The following NOD2 variants were observed in gnomAD, a reference collection of about 807,000 sequenced individuals.
The protein encoded by NOD2 is nucleotide binding oligomerization domain containing 2, also known as nucleotide-binding oligomerization domain-containing protein 2.
In NOD2, 86 loss-of-function variants were observed where a neutral mutation model predicts 90.9. The observed-to-expected ratio is 0.95, with a 90% confidence interval of 0.79 to 1.13. The LOEUF (loss-of-function observed/expected upper bound fraction) is 1.13, where lower values mean the gene tolerates loss of function less well. Among genes scored for constraint, NOD2 ranks in the 50% most tolerant of loss-of-function variants. The probability of loss-of-function intolerance (pLI) is 0.00; values close to 1 mark genes in which losing one functional copy is unlikely to be tolerated. For synonymous variants in NOD2, 581 were observed against 554.6 expected, an observed-to-expected ratio of 1.05 and a Z score of -0.67; for missense variants, 1,238 against 1,283.8, an observed-to-expected ratio of 0.96 and a Z score of 0.55.
intron 6 of NOD2, among the ~76,000 whole-genome samples, chr16:50,718,903 G>A (rs1441678433): frequency 1.3e-5 from 2 of 152,202 alleles, no homozygotes; most frequent in East Asian, 1.9e-4. Flanking sequence ...TTGGGGAAAA[G>A]TCCTAAAAGG....
At chr16:50,701,339 G>A (rs1963930222) in intron 2 of NOD2, among the ~76,000 whole-genome samples, 1 of 152,214 alleles carries the variant, frequency 6.6e-6, no homozygotes, top group Non-Finnish European at 1.5e-5. Flanking sequence ...GGGCTGGGTT[G>A]GGGAACATTT....
chr16:50,725,228 C>T (rs930280451), intron 9 of NOD2, among the ~76,000 whole-genome samples: 2 of 152,060 alleles, frequency 1.3e-5, no homozygotes, highest in African/African-American at 4.8e-5. Context: ...AATGAGACTT[C>T]CATTAATAAG....
chr16:50,710,977 C>T lies in NOD2; in HGVS notation c.985C>T (p.Pro329Ser), dbSNP rs757368076. 2 of 1,614,214 alleles carry T rather than the reference C, an allele frequency of 1.2e-6. No homozygotes were observed. Among genetic ancestry groups the T allele is most frequent in the Admixed American group, 1.7e-5 (1 of 60,026 alleles). The change falls in exon 4 of 12, where the codon CCT becomes TCT. Residue 329 changes from proline (P) to serine (S), a missense_variant. Transcript: ENST00000647318. ...RTLLFEHCCWPDVGQEDIFQL... is the reference protein window; with the variant it reads ...RTLLFEHCCWSDVGQEDIFQL... ...TCTACTCTTTGAGCACTGCTGTTGG[C>T]CTGATGTTGGTCAAGAAGACATCTT...
Position 50,699,963 on chromosome 16 carries a change from C to T in NOD2, c.459+9C>T. ...TCACACCGTCCCAGAGGGTGAGGCA[C>T]TCCTGGTGTGCATCACAGAGTTCTC... is the stretch of plus-strand genomic sequence containing the variant. On this transcript the variant is annotated intron_variant, in intron 2 of 11. Transcript: ENST00000647318. 1 of 1,600,622 alleles carries T rather than the reference C, an allele frequency of 6.2e-7. No individual in the cohort carries two copies. Among genetic ancestry groups the T allele is most frequent in the Non-Finnish European group, 8.5e-7 (1 of 1,177,528 alleles).
chr16:50,731,741 C>T lies in NOD2; in HGVS notation c.2970-6C>T. ...CTCAAACCTCTGTTCACTTGATCTGCTTTAGGCTCCGAGGGAACACTTTCT... is the reference window on the plus strand; with the variant it reads ...CTCAAACCTCTGTTCACTTGATCTGTTTTAGGCTCCGAGGGAACACTTTCT... On this transcript the variant is annotated splice_region_variant and splice_polypyrimidine_tract_variant and intron_variant, in intron 11 of 11. Coordinates refer to ENST00000647318, the MANE Select transcript of NOD2 (RefSeq NM_001370466.1). 6.2e-7 allele frequency: 1 copy of T among 1,609,524 alleles called. No homozygotes were observed. The highest frequency in any genetic ancestry group is 8.5e-7 in the Non-Finnish European group (1 of 1,175,792).
At chr16:50,728,693 GA>G (rs1965350707) in intron 10 of NOD2, among the ~76,000 whole-genome samples, 2 of 152,196 alleles carry the variant, frequency 1.3e-5, no homozygotes. Context: ...AGACATTCCT[GA>G]AATTGTGGGA....
intron 10 of NOD2, chr16:50,728,559 T>C (rs891469971): frequency 1.3e-5 from 2 of 157,736 alleles, no homozygotes; most frequent in Non-Finnish European, 2.8e-5. Flanking sequence ...TATTTAAGAA[T>C]GTATTCCAAT....
chr16:50,722,551 T>G, intron 7 of NOD2, 71 bp from the exon 8 acceptor site: 1 of 1,408,372 alleles, frequency 7.1e-7, no homozygotes, highest in Non-Finnish European at 1.0e-6. Context: ...GGAGGAGGAC[T>G]GTTAGTTCAT....
intron 4 of NOD2, chr16:50,713,220 G>A (rs994461640): frequency 1.3e-5 from 2 of 152,226 alleles, no homozygotes; most frequent in Admixed American, 6.5e-5. Context: ...CTATAGGAAA[G>A]CAGAAGTTCT....
intron 6 of NOD2, among the ~76,000 whole-genome samples, chr16:50,718,053 C>T (rs1964878057): frequency 6.6e-6 from 1 of 152,220 alleles, no homozygotes; most frequent in Non-Finnish European, 1.5e-5. Context: ...ACAATTATAA[C>T]AATCAATGTA....
chr16:50,705,039 C>A lies in NOD2; in HGVS notation c.460-2816C>A, dbSNP rs987760899. On this transcript the variant is annotated intron_variant, in intron 2 of 11. Coordinates refer to ENST00000647318, the MANE Select transcript of NOD2 (RefSeq NM_001370466.1). ...TATCTCTTCTCTTTTCATGAAACTA[C>A]TATTAATTCAATGTTAGAATTCCTT... 5.3e-5 allele frequency among the ~76,000 whole-genome samples: 8 copies of A among 152,162 alleles called. No individual in the cohort carries two copies. The East Asian group carries it at 1.5e-3, about 29-fold the overall frequency.
intron 10 of NOD2, chr16:50,728,923 T>G (rs1435241103): frequency 6.5e-6 from 1 of 152,884 alleles, no homozygotes; most frequent in Non-Finnish European, 1.5e-5. Context: ...TTCTATCAAT[T>G]AAGTACTGTA....
intron 2 of NOD2, among the ~76,000 whole-genome samples, chr16:50,705,557 G>C (rs1196904198): frequency 6.6e-6 from 1 of 152,214 alleles, no homozygotes; most frequent in Non-Finnish European, 1.5e-5. Context: ...GGTTGATCAA[G>C]TTATCTGAGT....
chr16:50,716,413 C>G (rs1964795144), intron 4 of NOD2, among the ~76,000 whole-genome samples, 174 bp from the exon 5 acceptor site: 1 of 152,184 alleles, frequency 6.6e-6, no homozygotes, highest in Admixed American at 6.5e-5. Context: ...CGTCACCTCC[C>G]TGGCCAGGGA....
intron 10 of NOD2, among the ~76,000 whole-genome samples, chr16:50,726,492 AATT>A (rs1965270106): frequency 6.6e-6 from 1 of 152,164 alleles, no homozygotes; most frequent in Non-Finnish European, 1.5e-5. Context: ...CACTTCCACT[AATT>A]ATTTGGGTGG....
chr16:50,731,114 G>A (rs1290372925), intron 11 of NOD2, among the ~76,000 whole-genome samples: 1 of 152,018 alleles, frequency 6.6e-6, no homozygotes, highest in African/African-American at 2.4e-5. Context: ...AGGCTGCAGT[G>A]GGCCATGATT....
intron 7 of NOD2, among the ~76,000 whole-genome samples, chr16:50,720,586 G>T (rs1965009959): frequency 6.6e-6 from 1 of 152,186 alleles, no homozygotes; most frequent in Non-Finnish European, 1.5e-5. Flanking sequence ...TGCAGCCCCA[G>T]GGTGGGCTTC....
chr16:50,708,800 T>A (rs1964320715), intron 3 of NOD2, among the ~76,000 whole-genome samples: 1 of 152,202 alleles, frequency 6.6e-6, no homozygotes, highest in Non-Finnish European at 1.5e-5. Flanking sequence ...AGCAAGCCTG[T>A]GGGCGGGGTG....
chr16:50,721,009 TG>T (rs2150830896), intron 7 of NOD2, among the ~76,000 whole-genome samples: 1 of 152,140 alleles, frequency 6.6e-6, no homozygotes, highest in South Asian at 2.1e-4. Context: ...TTCACCATGT[TG>T]GCCCGGCTGG....
Sources: allele counts gnomAD v4.1 joint callset (sites outside exome capture counted in the v4.1 genomes callset), GRCh38; gene constraint gnomAD v4.1.1; transcripts MANE v1.5; gene names NCBI Gene and HGNC (gene_info 2026-07-23, HGNC 2026-07-21).